FNDC3A: variants seen among roughly 807,000 people sequenced by gnomAD.
FNDC3A encodes fibronectin type-III domain-containing protein 3A.
In FNDC3A, 32 loss-of-function variants were observed where a neutral mutation model predicts 148.9. That is an observed-to-expected ratio of 0.21 (90% CI 0.16 to 0.29). The LOEUF (loss-of-function observed/expected upper bound fraction) is 0.29. FNDC3A is among the 10% of genes least tolerant of loss of function. The probability of loss-of-function intolerance (pLI) is 1.00; values close to 1 mark genes in which losing one functional copy is unlikely to be tolerated. For missense variants in FNDC3A, 1,191 were observed against 1,452.8 expected, an observed-to-expected ratio of 0.82 and a Z score of 2.93; for synonymous variants, 472 against 473.6, an observed-to-expected ratio of 1.00 and a Z score of 0.04.
At chr13:48,986,190 T>G (rs140051480) in intron 1 of FNDC3A, among the ~76,000 whole-genome samples, 98 of 152,304 alleles carry the variant, frequency 6.4e-4, no homozygotes, top group African/African-American at 2.0e-3. Flanking sequence ...TTTTCAGAGT[T>G]TCTGTTATAA....
chr13:49,092,350 T>C (rs368364313), intron 3 of FNDC3A, among the ~76,000 whole-genome samples: 13 of 152,216 alleles, frequency 8.5e-5, no homozygotes, highest in Admixed American at 8.5e-4. Context: ...TTCTTGGTTG[T>C]AGGAGGGGCC....
intron 2 of FNDC3A, among the ~76,000 whole-genome samples, chr13:49,022,586 T>A (rs1486408254): frequency 1.3e-5 from 2 of 152,168 alleles, no homozygotes; most frequent in Non-Finnish European, 2.9e-5. Context: ...CTACTGAGAC[T>A]GAAATAAAGC....
chr13:49,020,917 C>G (rs890928991), intron 2 of FNDC3A, among the ~76,000 whole-genome samples: 1 of 152,056 alleles, frequency 6.6e-6, no homozygotes, highest in African/African-American at 2.4e-5. Context: ...TGGTCTTAAT[C>G]ACTATAAAAA....
intron 2 of FNDC3A, among the ~76,000 whole-genome samples, chr13:49,019,111 G>C (rs1370232473): frequency 6.6e-6 from 1 of 152,268 alleles, no homozygotes; most frequent in Non-Finnish European, 1.5e-5. Flanking sequence ...AGGCCTCCTG[G>C]AGCTGTGGTG....
intron 2 of FNDC3A, among the ~76,000 whole-genome samples, chr13:49,029,998 A>T (rs1432372123): frequency 1.3e-5 from 2 of 152,202 alleles, no homozygotes; most frequent in Non-Finnish European, 2.9e-5. Context: ...TAAAGTCCAG[A>T]CCCAGATGGC....
At chr13:48,982,586 A>C (rs537228522) in intron 1 of FNDC3A, among the ~76,000 whole-genome samples, 1 of 152,320 alleles carries the variant, frequency 6.6e-6, no homozygotes, top group African/African-American at 2.4e-5. Context: ...GGCTGCTTCC[A>C]GGATATTTAA....
intron 8 of FNDC3A, among the ~76,000 whole-genome samples, chr13:49,147,339 TACTGCAACTGCCCA>T (rs1883052464): frequency 6.6e-6 from 1 of 152,186 alleles, no homozygotes; most frequent in African/African-American, 2.4e-5. Flanking sequence ...CTAAGGATGC[TACTGCAACTGCCCA>T]GTTCATTAAA....
intron 1 of FNDC3A, chr13:48,976,622 C>T (rs1042150476): frequency 6.6e-6 from 1 of 152,302 alleles, no homozygotes; most frequent in Non-Finnish European, 1.5e-5. Context: ...GCGGAATCCT[C>T]CTGAGAGGAT....
At chr13:49,047,815 C>T (rs1012849179) in intron 2 of FNDC3A, among the ~76,000 whole-genome samples, 8 of 152,032 alleles carry the variant, frequency 5.3e-5, no homozygotes, top group Non-Finnish European at 1.0e-4. Context: ...CATCTATTAA[C>T]CCTTATTTTT....
intron 7 of FNDC3A, among the ~76,000 whole-genome samples, chr13:49,141,563 G>C (rs959419404): frequency 4.6e-5 from 7 of 151,918 alleles, no homozygotes; most frequent in African/African-American, 1.7e-4. Context: ...TTCTACTTTA[G>C]TATTTCTGGA....
chr13:49,005,303 C>T (rs988799615), intron 1 of FNDC3A, among the ~76,000 whole-genome samples: 2 of 151,786 alleles, frequency 1.3e-5, no homozygotes, highest in South Asian at 2.1e-4. Context: ...TGTAAACATT[C>T]CAAAATGTTT....
chr13:49,025,077 A>C (rs1279010312), intron 2 of FNDC3A, among the ~76,000 whole-genome samples: 1 of 152,012 alleles, frequency 6.6e-6, no homozygotes, highest in Non-Finnish European at 1.5e-5. Context: ...ACAAACCGTA[A>C]ATCATTAGAT....
In FNDC3A at chr13:49,071,558, G is replaced by A. The variant is rs1877693307; in HGVS notation, c.100-3731G>A. Among the ~76,000 whole-genome samples, 5 of 151,932 alleles carry A rather than the reference G, an allele frequency of 3.3e-5. No homozygotes were observed. The South Asian group carries it at 1.0e-3, about 31-fold the overall frequency. ...CATCTGTTATTTTTTTGACATTTTTGTAATAGCCATTCTGACTGGGTTAAG... is the reference window on the plus strand; with the variant it reads ...CATCTGTTATTTTTTTGACATTTTTATAATAGCCATTCTGACTGGGTTAAG... On this transcript the variant is annotated intron_variant, in intron 2 of 25. Coordinates refer to ENST00000492622, the MANE Select transcript of FNDC3A (RefSeq NM_001079673.2).
At position 49,128,837 on chromosome 13, in the gene FNDC3A, C is replaced by T. The variant is rs547490029; in HGVS notation, c.253-2300C>T. On this transcript the variant is annotated intron_variant, in intron 4 of 25. Transcript: ENST00000492622. ...GGCTTTATTCTAACTGTTCCCTCTT[C>T]CTAGAACAAATCTTCCAGATTTCTA... is the stretch of plus-strand genomic sequence containing the variant. Among the ~76,000 whole-genome samples, 66 of 152,320 alleles carry T rather than the reference C, an allele frequency of 4.3e-4. 1 individual carries two copies. The highest frequency in any genetic ancestry group is 4.2e-3 in the Admixed American group (64 of 15,300).
chr13:49,038,957 CAG>C (rs1209188996), intron 2 of FNDC3A, among the ~76,000 whole-genome samples: 1 of 152,088 alleles, frequency 6.6e-6, no homozygotes, highest in Non-Finnish European at 1.5e-5. Context: ...CTTCACCCTC[CAG>C]AGAGGGACCT....
intron 2 of FNDC3A, among the ~76,000 whole-genome samples, chr13:49,016,589 G>T (rs1253432499): frequency 6.6e-6 from 1 of 152,066 alleles, no homozygotes; most frequent in Non-Finnish European, 1.5e-5. Flanking sequence ...GGTTTTGTGT[G>T]TCTCTATTTC....
chr13:49,125,789 A>G (rs568588302), intron 4 of FNDC3A, among the ~76,000 whole-genome samples: 2 of 152,282 alleles, frequency 1.3e-5, no homozygotes, highest in East Asian at 3.9e-4. Flanking sequence ...AAGATACACA[A>G]TATAAAATGT....
At chr13:48,988,737 G>T (rs1208126455) in intron 1 of FNDC3A, among the ~76,000 whole-genome samples, 1 of 151,742 alleles carries the variant, frequency 6.6e-6, no homozygotes, top group Non-Finnish European at 1.5e-5. Flanking sequence ...TGTAGTTCCA[G>T]CTACTTTGGA....
intron 2 of FNDC3A, among the ~76,000 whole-genome samples, chr13:49,061,261 C>T (rs888356093): frequency 1.4e-4 from 21 of 151,164 alleles, no homozygotes; most frequent in Non-Finnish European, 1.5e-5. Flanking sequence ...AGGCTTGCAC[C>T]AGCATGCTTG....
Sources: gnomAD v4.1 joint callset for allele counts (sites outside exome capture counted in the v4.1 genomes callset) on GRCh38, gnomAD v4.1.1 for gene constraint, MANE v1.5 for transcripts, NCBI Gene and HGNC (gene_info 2026-07-23, HGNC 2026-07-21) for gene names.